GYS2: variants seen among roughly 807,000 people sequenced by gnomAD.
The protein encoded by GYS2 is glycogen synthase 2, also known as glycogen [starch] synthase, liver.
In GYS2, 80 loss-of-function variants were observed where a neutral mutation model predicts 85.6. That is an observed-to-expected ratio of 0.93 (90% CI 0.78 to 1.13). GYS2 has a LOEUF of 1.13. GYS2 is among the 50% of genes most tolerant of loss of function. The probability of loss-of-function intolerance (pLI) is 0.00; values close to 1 mark genes in which losing one functional copy is unlikely to be tolerated. For synonymous variants in GYS2, 328 were observed against 300.7 expected (o/e 1.09, Z -0.94); for missense variants, 881 against 854.9 (o/e 1.03, Z -0.38).
chr12:21,558,702 C>T (rs2136873253), intron 10 of GYS2, among the ~76,000 whole-genome samples: 1 of 152,298 alleles, frequency 6.6e-6, no homozygotes, highest in East Asian at 1.9e-4. Flanking sequence ...CTGATGCAAG[C>T]CTGACACATT....
At chr12:21,588,148 T>C (rs946643979) in intron 1 of GYS2, among the ~76,000 whole-genome samples, 1 of 152,228 alleles carries the variant, frequency 6.6e-6, no homozygotes, top group African/African-American at 2.4e-5. Flanking sequence ...GGCATCAATC[T>C]TCAACTCAAT....
Position 21,560,445 on chromosome 12 carries a change from G to T in GYS2, c.1110C>A (p.Ala370=). The change falls in exon 8 of 16, where the codon GCC becomes GCA. Residue 370 remains alanine, a synonymous_variant. Transcript: ENST00000261195. ...ITVMVFFIMP[A]KTNNFNVETL... ...TTTCCACGTTGAAATTATTTGTCTTGGCAGGCATAATGAAAAACACCATCA... is the reference window on the plus strand; with the variant it reads ...TTTCCACGTTGAAATTATTTGTCTTTGCAGGCATAATGAAAAACACCATCA... 1 of 1,609,208 alleles carries T rather than the reference G, an allele frequency of 6.2e-7. No individual in the cohort carries two copies. The highest frequency in any genetic ancestry group is 8.5e-7 in the Non-Finnish European group (1 of 1,175,672).
downstream of GYS2, among the ~76,000 whole-genome samples, chr12:21,533,687 A>T (rs758358898): frequency 6.6e-6 from 1 of 152,192 alleles, no homozygotes; most frequent in Non-Finnish European, 1.5e-5. Flanking sequence ...ACACCTTGTA[A>T]CATTTATGTT....
intron 11 of GYS2, among the ~76,000 whole-genome samples, chr12:21,555,366 C>T (rs1367852868): frequency 6.6e-6 from 1 of 152,020 alleles, no homozygotes; most frequent in Non-Finnish European, 1.5e-5. Context: ...GGATACATTC[C>T]TGCATTCCCA....
chr12:21,541,999 C>T (rs890696057), intron 13 of GYS2, among the ~76,000 whole-genome samples: 1 of 152,110 alleles, frequency 6.6e-6, no homozygotes, highest in Non-Finnish European at 1.5e-5. Flanking sequence ...AAGATAATGA[C>T]CTCCAGCTGC....
chr12:21,553,347 C>A (rs908518269), intron 11 of GYS2, among the ~76,000 whole-genome samples: 1 of 152,232 alleles, frequency 6.6e-6, no homozygotes, highest in East Asian at 1.9e-4. Flanking sequence ...TAAATACAGT[C>A]TTCATGGACT....
chr12:21,542,911 G>C (rs1943996354), intron 12 of GYS2, among the ~76,000 whole-genome samples: 1 of 152,234 alleles, frequency 6.6e-6, no homozygotes, highest in Non-Finnish European at 1.5e-5. Context: ...CCCTTGTGCG[G>C]AACTGCCGGG....
intron 11 of GYS2, among the ~76,000 whole-genome samples, chr12:21,548,065 T>C (rs1944062738): frequency 6.7e-6 from 1 of 149,528 alleles, no homozygotes; most frequent in Non-Finnish European, 1.5e-5. Flanking sequence ...TGGCTGAATA[T>C]AGCTCTGACA....
At chr12:21,565,446 C>T (rs1424048108) in intron 5 of GYS2, among the ~76,000 whole-genome samples, 1 of 122,748 alleles carries the variant, frequency 8.1e-6, no homozygotes, top group Non-Finnish European at 1.6e-5. Flanking sequence ...GATGTTACTG[C>T]ACCATTATAT....
intron 1 of GYS2, among the ~76,000 whole-genome samples, chr12:21,586,352 C>T (rs919810889): frequency 1.3e-5 from 2 of 152,088 alleles, no homozygotes; most frequent in African/African-American, 4.8e-5. Context: ...TGCAGATGGC[C>T]TATTGTGGGA....
At chr12:21,552,649 T>A (rs951619512) in intron 11 of GYS2, among the ~76,000 whole-genome samples, 5 of 152,236 alleles carry the variant, frequency 3.3e-5, no homozygotes, top group African/African-American at 1.2e-4. Flanking sequence ...TGCCTTATGA[T>A]AATAAATGAG....
intron 1 of GYS2, among the ~76,000 whole-genome samples, chr12:21,587,640 T>C (rs1944589589): frequency 6.6e-6 from 1 of 152,136 alleles, no homozygotes; most frequent in Non-Finnish European, 1.5e-5. Context: ...GTTTTTTCCT[T>C]ATAAATTACC....
chr12:21,600,763 T>C (rs950934050), intron 1 of GYS2, among the ~76,000 whole-genome samples: 2 of 152,120 alleles, frequency 1.3e-5, no homozygotes, highest in African/African-American at 4.8e-5. Context: ...AGTTCACTTA[T>C]ATCAAAGTCC....
In GYS2 at chr12:21,546,298, T is replaced by C. The variant is rs763685774; in HGVS notation, c.1549+46A>G. 7 of 1,359,550 alleles carry C rather than the reference T, an allele frequency of 5.1e-6. No homozygotes were observed. The Admixed American group carries it at 8.7e-5, about 17-fold the overall frequency. The allele number at this position is 1,359,550 out of a possible 1,614,324, so 84.2% of individuals were successfully genotyped here. On this transcript the variant is annotated intron_variant, in intron 12 of 15. Transcript: ENST00000261195. ...TTATATATATGCACATAAAATAATA[T>C]ACTAACAAAATTCAAAACATTCCAC...
At chr12:21,559,247 A>T in intron 9 of GYS2, 78 bp from the exon 10 acceptor site, 2 of 693,904 alleles carry the variant, frequency 2.9e-6, no homozygotes, top group South Asian at 3.7e-5. Flanking sequence ...CAGATTATAT[A>T]TTATATATTT....
At chr12:21,577,848 A>C (rs1944463873) in intron 2 of GYS2, among the ~76,000 whole-genome samples, 1 of 152,172 alleles carries the variant, frequency 6.6e-6, no homozygotes, top group Non-Finnish European at 1.5e-5. Context: ...TTTACATATA[A>C]AACACCTTTG....
chr12:21,568,852 G>T lies in GYS2; in HGVS notation c.823+13C>A, dbSNP rs768571161. 1.2e-6 allele frequency: 2 copies of T among 1,606,820 alleles called. No individual in the cohort carries two copies. Among genetic ancestry groups the T allele is most frequent in the Non-Finnish European group, 8.5e-7 (1 of 1,173,370 alleles). ...CGGAACTGAAAGATAGGTGATCCAG[G>T]GATAATAATTACCAGGCTTTCTCTT... On this transcript the variant is annotated intron_variant, in intron 5 of 15. Transcript: ENST00000261195.
chr12:21,537,167 T>G lies in GYS2; in HGVS notation c.1899A>C (p.Gly633=). The G allele has an allele frequency of 2.5e-6, 4 of 1,612,722 alleles. No homozygotes were observed. Among genetic ancestry groups the G allele is most frequent in the Non-Finnish European group, 2.5e-6 (3 of 1,178,820 alleles). The change falls in exon 16 of 16, where the codon GGA becomes GGC. Residue 633 remains glycine (G), a synonymous_variant. Transcript: ENST00000261195. ...VELTSPPTTE[G]FKYPRPSSVP... The stretch of plus-strand genomic sequence containing the variant: ...CTGAGGAAGGCCTGGGATATTTAAA[T>G]CCTTCTGTCTGCCAAAGACAAAAAT...
chr12:21,599,300 A>G (rs1944729274), intron 1 of GYS2, among the ~76,000 whole-genome samples: 1 of 152,132 alleles, frequency 6.6e-6, no homozygotes, highest in Admixed American at 6.6e-5. Context: ...CACTTAGAAC[A>G]TCATTTTATA....
Sources: gnomAD v4.1 joint callset for allele counts (sites outside exome capture counted in the v4.1 genomes callset) on GRCh38, gnomAD v4.1.1 for gene constraint, MANE v1.5 for transcripts, NCBI Gene and HGNC (gene_info 2026-07-23, HGNC 2026-07-21) for gene names.